ATP6V0A2: variants seen among roughly 807,000 people sequenced by gnomAD.
The protein encoded by ATP6V0A2 is V-type proton ATPase 116 kDa subunit a 2.
A neutral mutation model predicts 104.4 loss-of-function variants in ATP6V0A2; 58 were observed. That is an observed-to-expected ratio of 0.56 (90% confidence interval 0.45 to 0.69). The LOEUF (loss-of-function observed/expected upper bound fraction) is 0.69. ATP6V0A2 is among the 30% of genes least tolerant of loss of function. The pLI is 0.00. For synonymous variants in ATP6V0A2, 376 were observed against 397.9 expected (o/e 0.95, Z 0.65); for missense variants, 938 against 1,062.9 (o/e 0.88, Z 1.63).
At chr12:123,750,763 C>T in intron 15 of ATP6V0A2, 1 of 337,110 alleles carries the variant, frequency 3.0e-6, no homozygotes, top group Non-Finnish European at 5.8e-6. Context: ...AAAACAGAAC[C>T]AAGAATATAC....
chr12:123,750,999 T>C (rs147333368), intron 15 of ATP6V0A2, 111 bp from the exon 16 acceptor site: 25 of 1,459,200 alleles, frequency 1.7e-5, no homozygotes, highest in Middle Eastern at 4.4e-4. Context: ...ATTTATTGAA[T>C]GTTCCTCGCG....
At chr12:123,718,027 C>T (rs557519246) in intron 1 of ATP6V0A2, among the ~76,000 whole-genome samples, 1 of 151,946 alleles carries the variant, frequency 6.6e-6, no homozygotes, top group South Asian at 2.1e-4. Context: ...CGGGCTCAAG[C>T]AATTCTCGTG....
chr12:123,757,993 A>G lies in ATP6V0A2; in HGVS notation c.2532A>G (p.Leu844=), dbSNP rs777423672. ...GTKFVPFSFS[L]LSSKFNNDDS... ...AATTTGTTCCTTTCTCATTCAGTCT[A>G]CTTTCATCAAAGTTCAATAACGACG... The change falls in exon 20 of 20, where the codon CTA becomes CTG. Residue 844 remains leucine (L), a synonymous_variant. Coordinates refer to ENST00000330342, the MANE Select transcript of ATP6V0A2 (RefSeq NM_012463.4). 2.5e-6 allele frequency: 4 copies of G among 1,612,930 alleles called. No individual in the cohort carries two copies. Among genetic ancestry groups the G allele is most frequent in the Non-Finnish European group, 3.4e-6 (4 of 1,179,716 alleles).
chr12:123,739,461 G>A (rs781432484), intron 9 of ATP6V0A2, among the ~76,000 whole-genome samples: 5 of 152,178 alleles, frequency 3.3e-5, no homozygotes, highest in Non-Finnish European at 7.3e-5. Flanking sequence ...TAGTCAGCTT[G>A]TGTCTACAGG....
At chr12:123,751,278 C>A (rs749203940) in intron 16 of ATP6V0A2, 49 bp downstream of exon 16, 1 of 1,613,684 alleles carries the variant, frequency 6.2e-7, no homozygotes. Flanking sequence ...AGCTTGCTTT[C>A]GGTTATACAA....
intron 6 of ATP6V0A2, among the ~76,000 whole-genome samples, chr12:123,730,157 C>T (rs1378987314): frequency 6.6e-6 from 1 of 151,242 alleles, no homozygotes; most frequent in Non-Finnish European, 1.5e-5. Context: ...TGGGTTCACG[C>T]CATTCTCCTG....
chr12:123,754,492 A>G lies in ATP6V0A2; in HGVS notation c.2248A>G (p.Thr750Ala). 1 of 1,614,172 alleles carries G rather than the reference A, an allele frequency of 6.2e-7. No individual in the cohort carries two copies. Among genetic ancestry groups the G allele is most frequent in the Non-Finnish European group, 8.5e-7 (1 of 1,180,024 alleles). The change falls in exon 18 of 20, where the codon ACC becomes GCC. Residue 750 changes from threonine (T) to alanine (A), a missense_variant. Transcript: ENST00000330342. ...IEYCLGCISN[T>A]ASYLRLWALS... ...GTACTGTCTGGGATGCATCTCCAAC[A>G]CCGCCTCCTACCTGAGGCTCTGGGC...
chr12:123,756,729 C>G, intron 18 of ATP6V0A2, 86 bp from the exon 19 acceptor site: 1 of 1,439,390 alleles, frequency 6.9e-7, no homozygotes, highest in Non-Finnish European at 9.7e-7. Flanking sequence ...TCAGGGCCGT[C>G]AGGGGGAAAC....
At chr12:123,715,234 T>C (rs1956328805) in intron 1 of ATP6V0A2, among the ~76,000 whole-genome samples, 1 of 152,204 alleles carries the variant, frequency 6.6e-6, no homozygotes, top group African/African-American at 2.4e-5. Context: ...CTATTTGATA[T>C]TGAAGGAAGA....
intron 18 of ATP6V0A2, among the ~76,000 whole-genome samples, chr12:123,755,118 C>A (rs1956750730): frequency 6.6e-6 from 1 of 152,190 alleles, no homozygotes; most frequent in Non-Finnish European, 1.5e-5. Flanking sequence ...GTGCATTTAC[C>A]AGCCTACGTG....
chr12:123,745,671 A>C (rs1460195482), intron 13 of ATP6V0A2, among the ~76,000 whole-genome samples: 1 of 150,540 alleles, frequency 6.6e-6, no homozygotes, highest in Admixed American at 6.7e-5. Flanking sequence ...GTGCCATTGC[A>C]CTCCAGCCTG....
Position 123,744,914 on chromosome 12 carries a change from A to G in ATP6V0A2, c.1547A>G (p.Gln516Arg), listed in dbSNP as rs1361791959. Residue 516 changes from glutamine (Q) to arginine (R), a missense_variant, in exon 13 of 20, where the codon CAG (glutamine) becomes CGG (arginine). Physicochemically the swap from Gln to Arg is conservative, Grantham distance 43. Transcript: ENST00000330342. This position sits in a 1 kb window ranked among gnomAD's most constrained non-coding sequence, Gnocchi z 5.4. ...GTCGTTAGACACAACAGCATTTTGC[A>G]GCTGGATCCAAGCATTCCTGGAGTG... ...DSVVRHNSIL[Q>R]LDPSIPGVFR... 1.5e-5 allele frequency: 25 copies of G among 1,614,058 alleles called. No individual in the cohort carries two copies. The highest frequency in any genetic ancestry group is 2.1e-5 in the Non-Finnish European group (25 of 1,180,040).
rs796749108 is a variant in ATP6V0A2 at position 123,724,528 on chromosome 12, C to CA, written c.295-112dup. 0.12 allele frequency: 89,320 copies of CA among 760,554 alleles called. 100 individuals carry two copies. The highest frequency in any genetic ancestry group is 0.12 in the Non-Finnish European group (64,955 of 521,260). The allele number at this position is 760,554 out of a possible 1,614,324, so 47.1% of individuals were successfully genotyped here. On this transcript the variant is annotated intron_variant, in intron 3 of 19. Transcript: ENST00000330342. ...TGGGCGACAGAGGGAGACTCCATCT[C>CA]AAAAAAAAAAAAAAGAAAAAAACAA...
chr12:123,728,747 C>T (rs1052013902), intron 6 of ATP6V0A2, among the ~76,000 whole-genome samples: 1 of 152,262 alleles, frequency 6.6e-6, no homozygotes, highest in Non-Finnish European at 1.5e-5. Flanking sequence ...ATTGCACCGT[C>T]AGGTGCCACA....
intron 9 of ATP6V0A2, chr12:123,738,889 C>T (rs1956582175): frequency 6.6e-6 from 1 of 152,140 alleles, no homozygotes; most frequent in African/African-American, 2.4e-5. Context: ...ATATAATGTC[C>T]ATTATGACAT....
chr12:123,716,658 G>A (rs1956342550), intron 1 of ATP6V0A2, among the ~76,000 whole-genome samples: 1 of 151,844 alleles, frequency 6.6e-6, no homozygotes, highest in East Asian at 2.0e-4. Flanking sequence ...GGGTGTGGTG[G>A]CACGTGCCTT....
Position 123,758,021 on chromosome 12 carries a change from A to G in ATP6V0A2, c.2560A>G (p.Ser854Gly), listed in dbSNP as rs773898986. 1 of 1,609,870 alleles carries G rather than the reference A, an allele frequency of 6.2e-7. No individual in the cohort carries two copies. Among genetic ancestry groups the G allele is most frequent in the South Asian group, 1.1e-5 (1 of 91,004 alleles). Residue 854 changes from serine (S) to glycine (G), a missense_variant, in exon 20 of 20, where the codon AGT (serine) becomes GGT (glycine). Physicochemically the swap from Ser to Gly is moderately conservative, Grantham distance 56. Coordinates refer to ENST00000330342, the MANE Select transcript of ATP6V0A2 (RefSeq NM_012463.4). Reference protein sequence around the residue: ...LLSSKFNNDDSVA With the variant: ...LLSSKFNNDDGVA ...TTCATCAAAGTTCAATAACGACGAC[A>G]GTGTGGCATGATCATATTGCTGTAA...
chr12:123,744,661 C>T lies in ATP6V0A2; in HGVS notation c.1391C>T (p.Thr464Ile). Residue 464 changes from threonine to isoleucine, a missense_variant, in exon 12 of 20, where the codon ACT becomes ATT. Physicochemically the swap from Thr to Ile is moderately conservative, Grantham distance 89 (BLOSUM62 -1). Transcript: ENST00000330342. The surrounding 1 kb of genome is among the most constrained non-coding windows in gnomAD (Gnocchi z 5.4). Reference protein sequence around the residue: ...LLLMGLFSVYTGLIYNDCFSK... With the variant: ...LLLMGLFSVYIGLIYNDCFSK... ...CTGATGGGGCTGTTCTCAGTGTACA[C>T]TGGCCTCATCTACAACGACTGCTTT... is the stretch of plus-strand genomic sequence containing the variant. The T allele has an allele frequency of 1.2e-6, 2 of 1,613,998 alleles. No individual in the cohort carries two copies. Among genetic ancestry groups the T allele is most frequent in the African/African-American group, 1.3e-5 (1 of 75,030 alleles).
At chr12:123,751,258 C>G in intron 16 of ATP6V0A2, 29 bp downstream of exon 16, 1 of 1,614,086 alleles carries the variant, frequency 6.2e-7, no homozygotes, top group Non-Finnish European at 8.5e-7. Flanking sequence ...GCATTTACAA[C>G]TGTGAGCAAA....
Sources: gnomAD v4.1 joint callset for allele counts (sites outside exome capture counted in the v4.1 genomes callset) on GRCh38, gnomAD v4.1.1 for gene constraint, Gnocchi (gnomAD v3.1) non-coding constraint, MANE v1.5 for transcripts, NCBI Gene and HGNC (gene_info 2026-07-23, HGNC 2026-07-21) for gene names.